Variants in FMN2 observed in about 807,000 individuals in gnomAD.
The protein encoded by FMN2 is formin 2.
A neutral mutation model predicts 142.3 loss-of-function variants in FMN2; 51 were observed. The observed-to-expected ratio is 0.36, with a 90% CI of 0.29 to 0.45. FMN2 has a LOEUF of 0.45. FMN2 is among the 20% of genes least tolerant of loss of function. FMN2 has a pLI of 1.00. For missense variants in FMN2, 1,936 were observed against 2,122.8 expected (o/e 0.91, Z 1.73); for synonymous variants, 882 against 869.8 (o/e 1.01, Z -0.25).
chr1:240,444,121 A>G (rs1043116764), intron 16 of FMN2, among the ~76,000 whole-genome samples: 2 of 152,194 alleles, frequency 1.3e-5, no homozygotes, highest in Non-Finnish European at 1.5e-5. Context: ...AGTTTTCAGG[A>G]TGAGTGTTCA....
chr1:240,328,332 A>G (rs1426197888), intron 8 of FMN2, among the ~76,000 whole-genome samples: 1 of 151,590 alleles, frequency 6.6e-6, no homozygotes, highest in Admixed American at 6.6e-5. Context: ...AACCTTTAGT[A>G]TCAAATTACT....
At chr1:240,249,729 C>A (rs1332246197) in intron 6 of FMN2, among the ~76,000 whole-genome samples, 1 of 152,080 alleles carries the variant, frequency 6.6e-6, no homozygotes, top group African/African-American at 2.4e-5. Flanking sequence ...TCTTCCTGTC[C>A]ATGAGCATGG....
intron 7 of FMN2, among the ~76,000 whole-genome samples, chr1:240,264,985 C>G (rs1668752452): frequency 6.6e-6 from 1 of 152,104 alleles, no homozygotes; most frequent in Non-Finnish European, 1.5e-5. Context: ...AGTTCTTTAT[C>G]TCCATAGGGC....
chr1:240,314,682 C>G (rs1475498052), intron 8 of FMN2, among the ~76,000 whole-genome samples: 1 of 152,008 alleles, frequency 6.6e-6, no homozygotes, highest in Non-Finnish European at 1.5e-5. Context: ...AAATGTAAAC[C>G]TGTTTGATAA....
chr1:240,213,385 A>G lies in FMN2; in HGVS notation c.4065+2150A>G, dbSNP rs150154536. ...GTCTTGGTGCTGAGCTCTGCACTTC[A>G]GATCTGTTTTTGGAGGGACAAAAGA... On this transcript the variant is annotated intron_variant, in intron 6 of 17. Transcript: ENST00000319653. Among the ~76,000 whole-genome samples, 438 of 152,288 alleles carry G rather than the reference A, an allele frequency of 2.9e-3. 1 individual carries two copies. Among genetic ancestry groups the G allele is most frequent in the African/African-American group, 0.01 (420 of 41,576 alleles).
At chr1:240,142,623 G>A in intron 2 of FMN2, 2 of 1,543,510 alleles carry the variant, frequency 1.3e-6, no homozygotes, top group Non-Finnish European at 8.8e-7. Flanking sequence ...AGGATGCATG[G>A]CCCACTGATA....
chr1:240,209,674 G>A (rs925639384), intron 5 of FMN2, among the ~76,000 whole-genome samples: 9 of 150,556 alleles, frequency 6.0e-5, no homozygotes, highest in African/African-American at 1.9e-4. Flanking sequence ...GGAGGCCGAG[G>A]CGGGTGGATC....
Position 240,211,175 on chromosome 1 carries a change from T to G in FMN2, c.4005T>G (p.Thr1335=), listed in dbSNP as rs765951432. The G allele has an allele frequency of 4.7e-5, 76 of 1,613,246 alleles. No homozygotes were observed. Among genetic ancestry groups the G allele is most frequent in the Non-Finnish European group, 6.0e-5 (71 of 1,179,640 alleles). Residue 1335 remains threonine (T), a synonymous_variant, in exon 6 of 18, where the codon ACT becomes ACG. Coordinates refer to ENST00000319653, the MANE Select transcript of FMN2 (RefSeq NM_020066.5). ...AATTTGAGGAATTATTTTCTAAAAC[T>G]GCTGTAAAGGAGAGAAAGAAACCTA... The part of the protein sequence containing the change: ...CHEFEELFSK[T]AVKERKKPIS...
At chr1:240,341,545 T>C (rs368996001) in intron 13 of FMN2, 1 of 152,106 alleles carries the variant, frequency 6.6e-6, no homozygotes, top group Non-Finnish European at 1.5e-5. Flanking sequence ...TAAAATTCAG[T>C]TGGAACACAG....
At chr1:240,116,344 T>G (rs192003590) in intron 1 of FMN2, among the ~76,000 whole-genome samples, 63 of 152,158 alleles carry the variant, frequency 4.1e-4, no homozygotes, top group African/African-American at 1.5e-3. Flanking sequence ...AAGAATGGGG[T>G]ATTTAGAGAC....
intron 1 of FMN2, among the ~76,000 whole-genome samples, chr1:240,101,484 A>G (rs1448259845): frequency 6.6e-6 from 1 of 151,920 alleles, no homozygotes; most frequent in Non-Finnish European, 1.5e-5. Context: ...TTATCTGACA[A>G]TAGGACCGTG....
chr1:240,368,452 T>C (rs1672754580), intron 14 of FMN2, among the ~76,000 whole-genome samples: 1 of 152,202 alleles, frequency 6.6e-6, no homozygotes, highest in Non-Finnish European at 1.5e-5. Flanking sequence ...TGTACAAATA[T>C]TTCTAAAGAC....
chr1:240,178,767 T>G (rs1446576195), intron 3 of FMN2, among the ~76,000 whole-genome samples: 1 of 152,154 alleles, frequency 6.6e-6, no homozygotes, highest in Non-Finnish European at 1.5e-5. Context: ...ATTCCCAACT[T>G]CCTCCTGGTG....
At chr1:240,412,654 G>A (rs554465670) in intron 15 of FMN2, among the ~76,000 whole-genome samples, 63 of 152,038 alleles carry the variant, frequency 4.1e-4, no homozygotes, top group Non-Finnish European at 5.1e-4. Flanking sequence ...AAAAAAAAAA[G>A]TGTGACAGAA....
chr1:240,173,551 G>A (rs1040408796), intron 2 of FMN2, among the ~76,000 whole-genome samples: 2 of 152,162 alleles, frequency 1.3e-5, no homozygotes, highest in African/African-American at 4.8e-5. Flanking sequence ...TAGAGCTGGA[G>A]AAGGCATTCT....
At chr1:240,434,943 T>C (rs984181251) in intron 15 of FMN2, among the ~76,000 whole-genome samples, 6 of 152,024 alleles carry the variant, frequency 3.9e-5, no homozygotes, top group African/African-American at 1.5e-4. Flanking sequence ...ATAATTCTTC[T>C]GGACACTCTA....
chr1:240,308,194 G>A (rs1463972298), intron 8 of FMN2, among the ~76,000 whole-genome samples: 1 of 152,168 alleles, frequency 6.6e-6, no homozygotes, highest in Non-Finnish European at 1.5e-5. Flanking sequence ...CATGCCTGAA[G>A]TGTGAGCAAG....
At chr1:240,243,575 G>A (rs1427825031) in intron 6 of FMN2, among the ~76,000 whole-genome samples, 1 of 152,154 alleles carries the variant, frequency 6.6e-6, no homozygotes, top group African/African-American at 2.4e-5. Context: ...CCGGTTATTG[G>A]ATTACAAAAT....
chr1:240,154,015 C>A (rs542490846), intron 2 of FMN2, among the ~76,000 whole-genome samples: 20 of 147,408 alleles, frequency 1.4e-4, no homozygotes, highest in African/African-American at 4.6e-4. Flanking sequence ...ACTCCGGAGG[C>A]AGGAGAATCT....
Sources: gnomAD v4.1 joint callset for allele counts (sites outside exome capture counted in the v4.1 genomes callset) on GRCh38, gnomAD v4.1.1 for gene constraint, MANE v1.5 for transcripts, NCBI Gene and HGNC (gene_info 2026-07-23, HGNC 2026-07-21) for gene names.